Variants in ROBO1 observed in about 807,000 individuals in gnomAD.
The protein encoded by ROBO1 is roundabout guidance receptor 1, also known as roundabout homolog 1.
Under a neutral mutation model 195.9 loss-of-function variants are expected in ROBO1, and 149 were observed. That is an observed-to-expected ratio of 0.76 (90% CI 0.67 to 0.87). The LOEUF (loss-of-function observed/expected upper bound fraction) is 0.87. Among genes scored for constraint, ROBO1 ranks in the 40% least tolerant of loss-of-function variants. The pLI is 0.00. For missense variants in ROBO1, 1,933 were observed against 2,068.3 expected (o/e 0.93, Z 1.27); for synonymous variants, 816 against 733.2 (o/e 1.11, Z -1.82).
chr3:79,324,867 T>C (rs748064307), intron 2 of ROBO1, among the ~76,000 whole-genome samples: 1 of 152,190 alleles, frequency 6.6e-6, no homozygotes, highest in Non-Finnish European at 1.5e-5. Flanking sequence ...GTGTGTGGCA[T>C]CCGTGCAGAG....
chr3:79,532,662 T>C lies in ROBO1; in HGVS notation c.88+57162A>G, dbSNP rs1433770861. Among the ~76,000 whole-genome samples, 3 of 152,332 alleles carry C rather than the reference T, an allele frequency of 2.0e-5. No homozygotes were observed. The East Asian group carries it at 5.8e-4, about 29-fold the overall frequency. ...AAATCAAATACAAATGCACATCTCT[T>C]ATCTTCTCTGAATCTTGAATCACAG... On this transcript the variant is annotated intron_variant, in intron 2 of 30. Coordinates refer to ENST00000464233, the MANE Select transcript of ROBO1 (RefSeq NM_002941.4).
chr3:78,903,596 A>G (rs948420015), intron 4 of ROBO1, among the ~76,000 whole-genome samples: 1 of 151,832 alleles, frequency 6.6e-6, no homozygotes, highest in Non-Finnish European at 1.5e-5. Context: ...TGCTCTCCTG[A>G]TATTAGAATT....
intron 2 of ROBO1, among the ~76,000 whole-genome samples, chr3:79,449,090 G>A (rs993177219): frequency 1.3e-5 from 2 of 152,086 alleles, no homozygotes; most frequent in African/African-American, 4.8e-5. Context: ...CATTAGCCGA[G>A]TGTGGTGCCA....
At chr3:79,715,744 A>G (rs1702456932) in intron 1 of ROBO1, among the ~76,000 whole-genome samples, 1 of 151,918 alleles carries the variant, frequency 6.6e-6, no homozygotes, top group Admixed American at 6.6e-5. Context: ...CTCGGCTTTT[A>G]TTTTTCCTTG....
chr3:79,097,668 G>GT (rs2079595640), intron 3 of ROBO1, among the ~76,000 whole-genome samples: 1 of 151,684 alleles, frequency 6.6e-6, no homozygotes, highest in South Asian at 2.1e-4. Flanking sequence ...TGTTTTCAGT[G>GT]TTTTTAAAAA....
intron 1 of ROBO1, among the ~76,000 whole-genome samples, chr3:79,713,203 G>A (rs1202178167): frequency 6.6e-6 from 1 of 151,972 alleles, no homozygotes; most frequent in South Asian, 2.1e-4. Flanking sequence ...TGTACAAGGA[G>A]ATTAATGTTG....
At chr3:79,464,090 A>G (rs1937811847) in intron 2 of ROBO1, among the ~76,000 whole-genome samples, 1 of 152,200 alleles carries the variant, frequency 6.6e-6, no homozygotes, top group Non-Finnish European at 1.5e-5. Flanking sequence ...AGGTTCTTCC[A>G]TGTTGTAGCA....
chr3:78,925,561 C>G (rs546721284), intron 4 of ROBO1, among the ~76,000 whole-genome samples: 1 of 152,078 alleles, frequency 6.6e-6, no homozygotes. Context: ...TCAAATATAA[C>G]GAAAAACACC....
At chr3:78,679,341 G>A (rs1291981182) in intron 10 of ROBO1, among the ~76,000 whole-genome samples, 4 of 152,064 alleles carry the variant, frequency 2.6e-5, no homozygotes, top group Admixed American at 1.3e-4. Flanking sequence ...TTAGGCAGGA[G>A]AAGGAAATAA....
At chr3:79,353,585 G>A (rs1360263797) in intron 2 of ROBO1, among the ~76,000 whole-genome samples, 1 of 152,122 alleles carries the variant, frequency 6.6e-6, no homozygotes, top group Non-Finnish European at 1.5e-5. Flanking sequence ...ATCCAAGCGT[G>A]TGGACATGGA....
chr3:79,506,526 C>T (rs915126096), intron 2 of ROBO1, among the ~76,000 whole-genome samples: 4 of 151,844 alleles, frequency 2.6e-5, no homozygotes, highest in African/African-American at 9.7e-5. Context: ...CTCTCTGCAA[C>T]CTCCACCTCC....
intron 2 of ROBO1, among the ~76,000 whole-genome samples, chr3:79,154,513 T>C (rs1467484727): frequency 6.6e-6 from 1 of 151,734 alleles, no homozygotes; most frequent in Non-Finnish European, 1.5e-5. Flanking sequence ...AAGTCTAAAG[T>C]ATGGCATGAA....
At chr3:78,760,489 A>C (rs2083070355) in intron 4 of ROBO1, among the ~76,000 whole-genome samples, 1 of 152,110 alleles carries the variant, frequency 6.6e-6, no homozygotes, top group Non-Finnish European at 1.5e-5. Context: ...CAGCCTCCAA[A>C]AATTTGGCAG....
At chr3:78,827,575 T>C (rs949465550) in intron 4 of ROBO1, among the ~76,000 whole-genome samples, 1 of 151,256 alleles carries the variant, frequency 6.6e-6, no homozygotes, top group African/African-American at 2.5e-5. Context: ...GTTGTGTGTG[T>C]GTGCTTGTGT....
intron 3 of ROBO1, among the ~76,000 whole-genome samples, chr3:78,978,672 T>G (rs936734155): frequency 1.3e-5 from 2 of 152,148 alleles, no homozygotes; most frequent in African/African-American, 4.8e-5. Context: ...TGCAGAGCCT[T>G]GTACTTTTTC....
intron 1 of ROBO1, among the ~76,000 whole-genome samples, chr3:79,764,595 A>G (rs1704886137): frequency 6.6e-6 from 1 of 152,112 alleles, no homozygotes; most frequent in Admixed American, 6.5e-5. Flanking sequence ...TGGTGTCTAG[A>G]GTTTCTCAGC....
intron 3 of ROBO1, among the ~76,000 whole-genome samples, chr3:79,004,793 A>G (rs1035058084): frequency 6.6e-6 from 1 of 152,218 alleles, no homozygotes; most frequent in Non-Finnish European, 1.5e-5. Context: ...AATGTAAGCA[A>G]ATCAATAATT....
intron 2 of ROBO1, among the ~76,000 whole-genome samples, chr3:79,471,872 G>A (rs2107323218): frequency 6.6e-6 from 1 of 151,890 alleles, no homozygotes; most frequent in Admixed American, 6.6e-5. Flanking sequence ...CCTCATAAGT[G>A]GGAGTTAAAC....
At chr3:79,139,055 G>C (rs1336088586) in intron 2 of ROBO1, among the ~76,000 whole-genome samples, 7 of 151,462 alleles carry the variant, frequency 4.6e-5, no homozygotes, top group African/African-American at 1.7e-4. Flanking sequence ...AGTTAATTTG[G>C]GGTACATCTA....
Sources: gnomAD v4.1 joint callset for allele counts (sites outside exome capture counted in the v4.1 genomes callset) on GRCh38, gnomAD v4.1.1 for gene constraint, MANE v1.5 for transcripts, NCBI Gene and HGNC (gene_info 2026-07-23, HGNC 2026-07-21) for gene names.